Variants in NCKAP5 observed in about 807,000 individuals in gnomAD.
The protein encoded by NCKAP5 is nck-associated protein 5.
A neutral mutation model predicts 167.0 loss-of-function variants in NCKAP5; 92 were observed. The observed-to-expected ratio is 0.55, with a 90% CI of 0.47 to 0.66. NCKAP5 has a LOEUF of 0.66. Ranked by LOEUF, NCKAP5 falls within the 30% of genes least tolerant of loss-of-function variation. NCKAP5 has a pLI of 0.00. For missense variants in NCKAP5, 2,378 were observed against 2,315.0 expected (o/e 1.03, Z -0.56); for synonymous variants, 891 against 877.4 (o/e 1.02, Z -0.27).
At chr2:133,667,858 TG>T in the NCKAP5 span, among the ~76,000 whole-genome samples, 1 of 151,982 alleles carries the variant, frequency 6.6e-6, no homozygotes, top group South Asian at 2.1e-4. Context: ...TTCACAGAGT[TG>T]TACTATCAGC....
chr2:133,567,712 GTGTA>G (rs1442017568), intron 1 of NCKAP5, among the ~76,000 whole-genome samples: 1 of 134,094 alleles, frequency 7.5e-6, no homozygotes, highest in Admixed American at 7.4e-5. Context: ...TGGGGAGAGA[GTGTA>G]GGTAGGAGGG....
At position 133,243,568 on chromosome 2, in the gene NCKAP5, C is replaced by T. The variant is rs116913410; in HGVS notation, c.144-29789G>A. Among the ~76,000 whole-genome samples, 15 of 152,258 alleles carry T rather than the reference C, an allele frequency of 9.9e-5. No individual in the cohort carries two copies. The East Asian group carries it at 2.9e-3, about 29-fold the overall frequency. On this transcript the variant is annotated intron_variant, in intron 4 of 19. Transcript: ENST00000409261. ...TACATAAAATAAAACCATTTCTTAC[C>T]CTCACGGATGCCATGGCTGGAAGCT...
chr2:133,387,065 T>C (rs1687030829), intron 3 of NCKAP5, among the ~76,000 whole-genome samples: 1 of 152,234 alleles, frequency 6.6e-6, no homozygotes, highest in Non-Finnish European at 1.5e-5. Flanking sequence ...AATATAGTTA[T>C]GTGTGAATTT....
the NCKAP5 span, among the ~76,000 whole-genome samples, chr2:133,662,060 C>T: frequency 6.6e-6 from 1 of 152,136 alleles, no homozygotes; most frequent in Non-Finnish European, 1.5e-5. Context: ...CTGTCTGAAG[C>T]TGTCTCCTTA....
intron 3 of NCKAP5, among the ~76,000 whole-genome samples, chr2:133,308,848 T>C (rs906064426): frequency 5.0e-4 from 75 of 149,786 alleles, no homozygotes; most frequent in South Asian, 1.1e-3. Context: ...GTAGCTGGGA[T>C]TACAGGCGCC....
intron 19 of NCKAP5, among the ~76,000 whole-genome samples, chr2:132,694,640 T>C (rs1410049931): frequency 6.6e-6 from 1 of 152,200 alleles, no homozygotes; most frequent in East Asian, 1.9e-4. Flanking sequence ...TGGCTTCACT[T>C]CCTTCAATCA....
At chr2:133,051,847 A>G (rs1023478495) in intron 6 of NCKAP5, among the ~76,000 whole-genome samples, 6 of 152,230 alleles carry the variant, frequency 3.9e-5, no homozygotes, top group Middle Eastern at 3.2e-3. Context: ...TCATAGATGA[A>G]AATGGTTAAA....
At chr2:133,238,340 G>T (rs1000786959) in intron 4 of NCKAP5, among the ~76,000 whole-genome samples, 1 of 152,134 alleles carries the variant, frequency 6.6e-6, no homozygotes, top group African/African-American at 2.4e-5. Context: ...CATGGCGAAG[G>T]CAGTGGCTTC....
In NCKAP5 at chr2:132,673,034, T is replaced by C; in HGVS notation, c.*255A>G. On this transcript the variant is annotated 3_prime_UTR_variant, in exon 20 of 20. Transcript: ENST00000409261. Reference sequence around the variant, plus strand: ...GGGAAGAGATGTCCTTTATACATCATTTGAACCTTGACTGGCACAGGAAGA... The same window carrying C: ...GGGAAGAGATGTCCTTTATACATCACTTGAACCTTGACTGGCACAGGAAGA... 1 of 1,017,972 alleles carries C rather than the reference T, an allele frequency of 9.8e-7. No homozygotes were observed. Among genetic ancestry groups the C allele is most frequent in the Non-Finnish European group, 1.2e-6 (1 of 856,748 alleles). 63.1% of individuals were successfully genotyped at this position (1,017,972 alleles called of 1,614,324 possible).
In NCKAP5 at chr2:132,990,810, C is replaced by T. The variant is rs117423240; in HGVS notation, c.429+3342G>A. Among the ~76,000 whole-genome samples the T allele has an allele frequency of 1.7e-4, 26 of 152,330 alleles. No homozygotes were observed. In the East Asian group the frequency reaches 4.8e-3, roughly 28 times the overall value. ...GCCTGACCAATACTGTTATTTTGGACTTTTGACTTTCAGAATTATAAGAGA... is the reference window on the plus strand; with the variant it reads ...GCCTGACCAATACTGTTATTTTGGATTTTTGACTTTCAGAATTATAAGAGA... On this transcript the variant is annotated intron_variant, in intron 7 of 19. Coordinates refer to ENST00000409261, the MANE Select transcript of NCKAP5 (RefSeq NM_207363.3).
At chr2:133,170,571 CTG>C (rs1217269625) in intron 5 of NCKAP5, among the ~76,000 whole-genome samples, 3 of 152,152 alleles carry the variant, frequency 2.0e-5, no homozygotes, top group Non-Finnish European at 4.4e-5. Context: ...TTATTCCACA[CTG>C]TGTTTGTATT....
At chr2:133,048,125 G>A (rs150114534) in intron 6 of NCKAP5, among the ~76,000 whole-genome samples, 2 of 152,218 alleles carry the variant, frequency 1.3e-5, no homozygotes, top group African/African-American at 4.8e-5. Context: ...AAAGGAGGAC[G>A]GCCTAAGTCC....
chr2:132,954,755 T>G (rs1205389918), intron 8 of NCKAP5: 1 of 447,894 alleles, frequency 2.2e-6, no homozygotes, highest in Non-Finnish European at 4.5e-6. Context: ...TTCCAGCCAT[T>G]TCTGATTAGT....
At chr2:132,952,956 G>A (rs748752503) in intron 8 of NCKAP5, among the ~76,000 whole-genome samples, 3 of 152,154 alleles carry the variant, frequency 2.0e-5, no homozygotes, top group African/African-American at 4.8e-5. Flanking sequence ...AAAGTGAAGG[G>A]GCTATTAGTT....
chr2:133,485,755 T>C (rs997061748), intron 3 of NCKAP5, among the ~76,000 whole-genome samples: 6 of 152,164 alleles, frequency 3.9e-5, no homozygotes, highest in African/African-American at 1.4e-4. Flanking sequence ...ACATCTTCTG[T>C]AGCATTTTAT....
At chr2:133,209,161 A>T (rs2086096481) in intron 5 of NCKAP5, among the ~76,000 whole-genome samples, 1 of 151,906 alleles carries the variant, frequency 6.6e-6, no homozygotes, top group Non-Finnish European at 1.5e-5. Context: ...TATGCATACC[A>T]ATATTGAAGA....
intron 3 of NCKAP5, among the ~76,000 whole-genome samples, chr2:133,433,072 C>T (rs1450946223): frequency 6.6e-6 from 1 of 152,124 alleles, no homozygotes; most frequent in Non-Finnish European, 1.5e-5. Context: ...CAGCAAAACA[C>T]AGAAAACAGT....
chr2:133,330,282 A>C (rs1447701976), intron 3 of NCKAP5, among the ~76,000 whole-genome samples: 1 of 103,354 alleles, frequency 9.7e-6, no homozygotes, highest in South Asian at 2.9e-4. Context: ...ATGGGGTTTC[A>C]CCATGTGTCA....
At chr2:133,260,787 C>G (rs2088868107) in intron 4 of NCKAP5, among the ~76,000 whole-genome samples, 1 of 152,158 alleles carries the variant, frequency 6.6e-6, no homozygotes, top group Non-Finnish European at 1.5e-5. Flanking sequence ...AGAAGGCAAG[C>G]TGATACAAAT....
Sources: allele counts gnomAD v4.1 joint callset (sites outside exome capture counted in the v4.1 genomes callset), GRCh38; gene constraint gnomAD v4.1.1; transcripts MANE v1.5; gene names NCBI Gene and HGNC (gene_info 2026-07-23, HGNC 2026-07-21).